Variants in FLI1 observed in about 807,000 individuals in gnomAD.
FLI1 encodes the protein Fli-1 proto-oncogene, ETS transcription factor.
A neutral mutation model predicts 53.1 loss-of-function variants in FLI1; 13 were observed. That is an observed-to-expected ratio of 0.24 (90% CI 0.16 to 0.39). The LOEUF is 0.39. FLI1 is among the 10% of genes least tolerant of loss of function. FLI1 has a pLI of 1.00. For synonymous variants in FLI1, 244 were observed against 236.7 expected (o/e 1.03, Z -0.28); for missense variants, 424 against 600.5 (o/e 0.71, Z 3.07).
At chr11:128,726,284 G>C (rs1565468489) in intron 1 of FLI1, among the ~76,000 whole-genome samples, 2 of 151,786 alleles carry the variant, frequency 1.3e-5, no homozygotes, top group African/African-American at 2.4e-5. Flanking sequence ...TACACATTAA[G>C]ACGCTGCCCC....
rs533438886 is a variant in FLI1, at chr11:128,719,715, A to C, written c.18+25439A>C. Among the ~76,000 whole-genome samples, 3 of 152,302 alleles carry C rather than the reference A, an allele frequency of 2.0e-5. No individual in the cohort carries two copies. In the East Asian group the frequency reaches 5.8e-4, roughly 29 times the overall value. On this transcript the variant is annotated intron_variant, in intron 1 of 8. Transcript: ENST00000527786. ...GCAAGGGCAAGGCGCTGGGCAGGTC[A>C]GTGCTGTGAGAAAGCAAGGTGCTCC... is the stretch of plus-strand genomic sequence containing the variant.
chr11:128,784,038 A>C (rs1342956763), intron 5 of FLI1, among the ~76,000 whole-genome samples: 1 of 152,156 alleles, frequency 6.6e-6, no homozygotes, highest in African/African-American at 2.4e-5. Flanking sequence ...CTAACCTCTG[A>C]ACTGCTGAGT....
intron 5 of FLI1, among the ~76,000 whole-genome samples, chr11:128,802,063 G>C (rs1053427384): frequency 6.6e-6 from 1 of 152,140 alleles, no homozygotes; most frequent in Non-Finnish European, 1.5e-5. Context: ...GACACAAATC[G>C]TATTCTTGAT....
At position 128,812,861 on chromosome 11, in the gene FLI1, T is replaced by TGAGTGCTG. The variant is rs1454880656; in HGVS notation, c.*1873_*1874insGAGTGCTG. 4 of 114,710 alleles carry TGAGTGCTG rather than the reference T, an allele frequency of 3.5e-5. No homozygotes were observed. The highest frequency in any genetic ancestry group is 6.0e-5 in the African/African-American group (2 of 33,596). 7.1% of individuals were successfully genotyped at this position (114,710 alleles called of 1,614,324 possible). ...ATGCAGATTTTTAAGGTCATTTTTC[T>TGAGTGCTG]TCCCAAGGAAGAAACTTGCCTCCAG... On this transcript the variant is annotated 3_prime_UTR_variant, in exon 9 of 9. Coordinates refer to ENST00000527786, the MANE Select transcript of FLI1 (RefSeq NM_002017.5).
chr11:128,789,580 C>T (rs1489233253), intron 5 of FLI1, among the ~76,000 whole-genome samples: 2 of 152,144 alleles, frequency 1.3e-5, no homozygotes, highest in African/African-American at 4.8e-5. Context: ...TTTCTCCGGG[C>T]GAAGAGTTTC....
chr11:128,779,189 T>C (rs1941835237), intron 4 of FLI1, among the ~76,000 whole-genome samples: 1 of 152,210 alleles, frequency 6.6e-6, no homozygotes, highest in Non-Finnish European at 1.5e-5. Flanking sequence ...ATTTAATAAA[T>C]GTGGTTTATC....
chr11:128,685,809 C>T (rs1175368118), upstream of FLI1, among the ~76,000 whole-genome samples: 1 of 150,662 alleles, frequency 6.6e-6, no homozygotes, highest in East Asian at 1.9e-4. Flanking sequence ...TGAGCCGCCA[C>T]GTTAAAGATG....
chr11:128,764,726 G>A (rs1941262799), intron 2 of FLI1: 16 of 1,567,450 alleles, frequency 1.0e-5, no homozygotes, highest in Non-Finnish European at 1.4e-5. Flanking sequence ...CAGCCGTGGA[G>A]CCCCATGGCC....
intron 5 of FLI1, among the ~76,000 whole-genome samples, chr11:128,795,968 C>T (rs1225803323): frequency 1.3e-5 from 2 of 152,158 alleles, no homozygotes; most frequent in Non-Finnish European, 1.5e-5. Context: ...CACTCTCTCC[C>T]GCCCCTGCCA....
chr11:128,730,215 A>G (rs1255385770), intron 1 of FLI1, among the ~76,000 whole-genome samples: 5 of 152,196 alleles, frequency 3.3e-5, no homozygotes, highest in Admixed American at 3.3e-4. Flanking sequence ...TAAAAACTTT[A>G]CTTATATCCT....
intron 1 of FLI1, among the ~76,000 whole-genome samples, chr11:128,697,021 C>A (rs913619487): frequency 6.6e-6 from 1 of 152,170 alleles, no homozygotes; most frequent in East Asian, 1.9e-4. Context: ...CCTGGAAAGG[C>A]TCTGACCGTC....
At chr11:128,699,197 C>G (rs1938217458) in intron 1 of FLI1, among the ~76,000 whole-genome samples, 1 of 152,176 alleles carries the variant, frequency 6.6e-6, no homozygotes, top group Admixed American at 6.5e-5. Flanking sequence ...TTTCATGTCT[C>G]TTTCTGTTTG....
At chr11:128,760,320 G>T (rs1005256941) in intron 2 of FLI1, among the ~76,000 whole-genome samples, 1 of 152,096 alleles carries the variant, frequency 6.6e-6, no homozygotes, top group African/African-American at 2.4e-5. Flanking sequence ...GAACCCAGGC[G>T]TTTGGTTCCA....
intron 3 of FLI1, 148 bp downstream of exon 3, chr11:128,768,420 G>A (rs750539337): frequency 2.1e-5 from 19 of 916,952 alleles, no homozygotes; most frequent in Admixed American, 1.7e-4. Flanking sequence ...GGTGGCTCGC[G>A]CCTGTAATCC....
chr11:128,693,728 G>A (rs1937865847), upstream of FLI1: 1 of 233,354 alleles, frequency 4.3e-6, no homozygotes, highest in Non-Finnish European at 8.5e-6. Flanking sequence ...GCGGACGCTG[G>A]GCGTGGACCC....
chr11:128,693,778 G>C (rs140026936), upstream of FLI1: 1,704 of 232,870 alleles, frequency 7.3e-3, 22 homozygotes, highest in African/African-American at 0.027. Flanking sequence ...CCAGGAGCAA[G>C]TATCCTGTGT....
At chr11:128,744,238 G>A (rs1940274951) in intron 1 of FLI1, among the ~76,000 whole-genome samples, 1 of 152,170 alleles carries the variant, frequency 6.6e-6, no homozygotes, top group Non-Finnish European at 1.5e-5. Context: ...AGCATTTCCT[G>A]GAACAACAGC....
chr11:128,764,397 C>T (rs1183667290), intron 2 of FLI1, among the ~76,000 whole-genome samples: 1 of 152,362 alleles, frequency 6.6e-6, no homozygotes, highest in East Asian at 1.9e-4. Flanking sequence ...TCTGCTGTGG[C>T]CTCTGTCGCC....
intron 2 of FLI1, chr11:128,764,608 C>G: frequency 6.6e-7 from 1 of 1,517,072 alleles, no homozygotes; most frequent in Non-Finnish European, 8.8e-7. Context: ...AACCTCGTCC[C>G]GCACTCCCCC....
Sources: gnomAD v4.1 joint callset for allele counts (sites outside exome capture counted in the v4.1 genomes callset) on GRCh38, gnomAD v4.1.1 for gene constraint, MANE v1.5 for transcripts, NCBI Gene and HGNC (gene_info 2026-07-23, HGNC 2026-07-21) for gene names.